Variants in UST observed in about 807,000 individuals in gnomAD.
UST encodes the protein chondroitin sulfate 2-O-sulfotransferase.
Under a neutral mutation model 45.6 loss-of-function variants are expected in UST, and 21 were observed. The ratio of observed to expected loss-of-function variants is 0.46; its 90% CI spans 0.33 to 0.66. The LOEUF (loss-of-function observed/expected upper bound fraction) is 0.66. Among genes scored for constraint, UST ranks in the 30% least tolerant of loss-of-function variants. The pLI is 0.02. For missense variants in UST, 463 were observed against 512.4 expected (o/e 0.90, Z 0.93); for synonymous variants, 215 against 200.6 (o/e 1.07, Z -0.61).
At chr6:149,035,999 T>C (rs934186999) in intron 7 of UST, among the ~76,000 whole-genome samples, 73 of 152,280 alleles carry the variant, frequency 4.8e-4, no homozygotes, top group African/African-American at 1.6e-3. Context: ...GAGTGGAGCA[T>C]GCATGCAACT....
intron 1 of UST, among the ~76,000 whole-genome samples, chr6:148,851,626 A>C (rs1020975973): frequency 6.6e-6 from 1 of 152,236 alleles, no homozygotes; most frequent in Non-Finnish European, 1.5e-5. Context: ...GGCGACCTTT[A>C]TGGTCAATCA....
At chr6:148,864,717 A>G (rs1317257885) in intron 1 of UST, among the ~76,000 whole-genome samples, 1 of 152,210 alleles carries the variant, frequency 6.6e-6, no homozygotes, top group Non-Finnish European at 1.5e-5. Flanking sequence ...GCAATAATTA[A>G]TAGTTATCCT....
intron 1 of UST, among the ~76,000 whole-genome samples, chr6:148,764,450 C>G (rs530817880): frequency 2.0e-5 from 3 of 152,172 alleles, no homozygotes; most frequent in Non-Finnish European, 4.4e-5. Flanking sequence ...GATAATTTGA[C>G]TTCCTCTTTT....
At chr6:148,929,186 TCTCCCACA>T (rs1193969537) in intron 2 of UST, among the ~76,000 whole-genome samples, 1 of 152,178 alleles carries the variant, frequency 6.6e-6, no homozygotes, top group Non-Finnish European at 1.5e-5. Context: ...CCATATCCAT[TCTCCCACA>T]GCCTCCCCCT....
chr6:148,812,752 C>G (rs1393586551), intron 1 of UST, among the ~76,000 whole-genome samples: 1 of 152,190 alleles, frequency 6.6e-6, no homozygotes, highest in Non-Finnish European at 1.5e-5. Context: ...ATAACCTAAT[C>G]TTGGAAGTAA....
intron 2 of UST, among the ~76,000 whole-genome samples, chr6:148,911,698 G>GA (rs778075919): frequency 3.3e-5 from 5 of 149,458 alleles, no homozygotes; most frequent in Non-Finnish European, 5.9e-5. Context: ...ACAGAAGATA[G>GA]AAAGTAATTA....
intron 7 of UST, among the ~76,000 whole-genome samples, chr6:149,035,277 A>G (rs1049312115): frequency 1.3e-5 from 2 of 152,014 alleles, no homozygotes; most frequent in Non-Finnish European, 2.9e-5. Context: ...AATGGATGCA[A>G]TATTACCTTA....
At chr6:149,039,347 C>A (rs1776278796) in intron 7 of UST, among the ~76,000 whole-genome samples, 1 of 152,194 alleles carries the variant, frequency 6.6e-6, no homozygotes, top group South Asian at 2.1e-4. Flanking sequence ...CTGCCTCAGC[C>A]TCCTGAGTAG....
chr6:149,072,509 C>T (rs1035162298), intron 7 of UST, among the ~76,000 whole-genome samples: 3 of 151,954 alleles, frequency 2.0e-5, no homozygotes, highest in Admixed American at 6.6e-5. Context: ...CAAAATTAGC[C>T]AGGCATGGTG....
At chr6:148,837,204 A>T (rs558042718) in intron 1 of UST, among the ~76,000 whole-genome samples, 1 of 152,190 alleles carries the variant, frequency 6.6e-6, no homozygotes, top group African/African-American at 2.4e-5. Flanking sequence ...ACCATTGAAG[A>T]CAGGTAATTC....
intron 1 of UST, among the ~76,000 whole-genome samples, chr6:148,749,296 C>A (rs1037773562): frequency 3.3e-5 from 5 of 152,222 alleles, no homozygotes; most frequent in Admixed American, 3.3e-4. Flanking sequence ...ACAGTATTTT[C>A]ATCACCAGCA....
At chr6:148,988,993 T>C (rs1781294161) in intron 5 of UST, among the ~76,000 whole-genome samples, 1 of 152,182 alleles carries the variant, frequency 6.6e-6, no homozygotes, top group Non-Finnish European at 1.5e-5. Flanking sequence ...CAGCACCTGC[T>C]CCTTCTGGAA....
rs79524939 is a variant in UST, at chr6:148,971,735, G to T, written c.681+7172G>T. Among the ~76,000 whole-genome samples the T allele has an allele frequency of 4.3e-3, 660 of 152,336 alleles. 5 individuals are homozygous for T. The highest frequency in any genetic ancestry group is 0.015 in the African/African-American group (609 of 41,564). ...GTGCAGTGATGTGGGCAGGCAGGTG[G>T]TGGGCCCCACAGAGCCTCCCAGACC... On this transcript the variant is annotated intron_variant, in intron 5 of 7. Transcript: ENST00000367463.
At chr6:148,773,136 A>G (rs1333630563) in intron 1 of UST, among the ~76,000 whole-genome samples, 1 of 152,164 alleles carries the variant, frequency 6.6e-6, no homozygotes, top group Non-Finnish European at 1.5e-5. Flanking sequence ...CATATCTTTT[A>G]ATTTTACCTA....
rs544684458 is a variant in UST, at chr6:148,886,563, G to A, written c.248-423G>A. Reference sequence around the variant, plus strand: ...AAAGAGAGTATGGGGTTCAGGACCGGCAGCATCAGTATCTCTTGGGAACTG... The same window carrying A: ...AAAGAGAGTATGGGGTTCAGGACCGACAGCATCAGTATCTCTTGGGAACTG... On this transcript the variant is annotated intron_variant, in intron 1 of 7. Coordinates refer to ENST00000367463, the MANE Select transcript of UST (RefSeq NM_005715.3). 2.0e-5 allele frequency among the ~76,000 whole-genome samples: 3 copies of A among 152,302 alleles called. No homozygotes were observed. In the East Asian group the frequency reaches 5.8e-4, roughly 29 times the overall value.
At chr6:148,865,776 A>T (rs930737142) in intron 1 of UST, among the ~76,000 whole-genome samples, 9 of 151,500 alleles carry the variant, frequency 5.9e-5, no homozygotes, top group Non-Finnish European at 1.2e-4. Context: ...TAAGAAAGAA[A>T]ATGGGGATAG....
At position 149,043,038 on chromosome 6, in the gene UST, T is replaced by C. The variant is rs866473277; in HGVS notation, c.937+21557T>C. On this transcript the variant is annotated intron_variant, in intron 7 of 7. Transcript: ENST00000367463. ...TTCTTTCTTTTTCTTTCTTTCTTTC[T>C]TTCTTTCCTTCTTTCCTTCTTTCCT... Among the ~76,000 whole-genome samples the C allele has an allele frequency of 4.3e-3, 598 of 140,350 alleles. 2 individuals are homozygous for C. The highest frequency in any genetic ancestry group is 0.024 in the Middle Eastern group (7 of 288). 92.1% of individuals were successfully genotyped at this position (140,350 alleles called of 152,430 possible). A position where few individuals can be genotyped will look rare whatever the true frequency, so the allele number is the denominator to read the frequency against.
At chr6:148,763,519 C>A (rs1269502396) in intron 1 of UST, among the ~76,000 whole-genome samples, 1 of 152,124 alleles carries the variant, frequency 6.6e-6, no homozygotes, top group Non-Finnish European at 1.5e-5. Flanking sequence ...TTAATTAAGT[C>A]CCTTTTGTTT....
intron 1 of UST, among the ~76,000 whole-genome samples, chr6:148,795,309 C>T (rs1242028511): frequency 6.6e-6 from 1 of 152,134 alleles, no homozygotes; most frequent in Non-Finnish European, 1.5e-5. Context: ...GCCTGGTCTT[C>T]GATGTGTTCA....
Sources: allele counts gnomAD v4.1 joint callset (sites outside exome capture counted in the v4.1 genomes callset), GRCh38; gene constraint gnomAD v4.1.1; transcripts MANE v1.5; gene names NCBI Gene and HGNC (gene_info 2026-07-23, HGNC 2026-07-21).